HELZ: variants seen among roughly 807,000 people sequenced by gnomAD.
HELZ encodes helicase with zinc finger.
HELZ carries 23 observed loss-of-function variants against 218.2 expected under a neutral mutation model. That is an observed-to-expected ratio of 0.11 (90% CI 0.08 to 0.15). The LOEUF is 0.15. Among genes scored for constraint, HELZ ranks in the 10% least tolerant of loss-of-function variants. The pLI is 1.00. For missense variants in HELZ, 1,813 were observed against 2,353.7 expected (o/e 0.77, Z 4.75); for synonymous variants, 814 against 829.4 (o/e 0.98, Z 0.32).
Position 67,150,650 on chromosome 17 carries a change from G to A in HELZ, c.2356+396C>T, listed in dbSNP as rs145996935. ...TTTATAACAAAAATCTGAGAAAAGT[G>A]TAAAAGAAAAGGAAAACACCAACAC... On this transcript the variant is annotated intron_variant, in intron 18 of 32. Transcript: ENST00000358691. Among the ~76,000 whole-genome samples, 264 of 152,210 alleles carry A rather than the reference G, an allele frequency of 1.7e-3. 1 individual carries two copies. The highest frequency in any genetic ancestry group is 6.1e-3 in the African/African-American group (252 of 41,524).
intron 3 of HELZ, among the ~76,000 whole-genome samples, chr17:67,235,944 A>G (rs575304619): frequency 6.6e-6 from 1 of 151,534 alleles, no homozygotes; most frequent in Admixed American, 6.6e-5. Flanking sequence ...GTATTTTTAG[A>G]AGAGACGGGG....
intron 31 of HELZ, among the ~76,000 whole-genome samples, chr17:67,103,432 G>A (rs1437978144): frequency 6.6e-6 from 1 of 152,146 alleles, no homozygotes; most frequent in African/African-American, 2.4e-5. Context: ...ATATCATCAT[G>A]TGGTTAAACA....
At chr17:67,123,312 A>G in intron 25 of HELZ, 152 bp from the exon 26 acceptor site, 1 of 463,908 alleles carries the variant, frequency 2.2e-6, no homozygotes, top group East Asian at 3.3e-5. Flanking sequence ...AGTAAAGCAT[A>G]TTACAAAAAA....
chr17:67,221,842 G>GT (rs375220068), intron 3 of HELZ, among the ~76,000 whole-genome samples: 2,114 of 131,284 alleles, frequency 0.016, 34 homozygotes, highest in African/African-American at 0.041. Context: ...TGTTTTTTGT[G>GT]TTTTTTTTTT....
At chr17:67,080,266 T>C (rs980450076) in intron 32 of HELZ, among the ~76,000 whole-genome samples, 2 of 152,202 alleles carry the variant, frequency 1.3e-5, no homozygotes, top group African/African-American at 4.8e-5. Context: ...CTAAATTCTT[T>C]TGTGCATTGA....
At chr17:67,080,624 A>G (rs1279116013) in intron 32 of HELZ, among the ~76,000 whole-genome samples, 1 of 152,228 alleles carries the variant, frequency 6.6e-6, no homozygotes, top group East Asian at 1.9e-4. Flanking sequence ...CTGCTGTGCT[A>G]GACCCATGAA....
rs1403898035 is a variant in HELZ, at chr17:67,201,135, T to C, written c.423A>G (p.Glu141=). 2 of 1,603,800 alleles carry C rather than the reference T, an allele frequency of 1.2e-6. No individual in the cohort carries two copies. Among genetic ancestry groups the C allele is most frequent in the Non-Finnish European group, 1.7e-6 (2 of 1,170,548 alleles). Residue 141 remains glutamate, a synonymous_variant, in exon 7 of 33, where the codon GAA becomes GAG. Coordinates refer to ENST00000358691, the MANE Select transcript of HELZ (RefSeq NM_014877.4). ...TCCACTGAAATGGCCTTACCTCTGT[T>C]TCTGAGAGAAGTGTTTTTAGTCTTG... is the stretch of plus-strand genomic sequence containing the variant. ...DLTRLKTLLS[E]TETATSNALS... is the part of the protein sequence containing the mutation.
rs577352861 is a variant in HELZ at position 67,077,526 on chromosome 17, C to A, written c.*726G>T. ...CACACTATCAAATTAACATTAAAAA[C>A]AAGCTTGAAGTGTAGCTTGTCCAAA... On this transcript the variant is annotated 3_prime_UTR_variant, in exon 33 of 33. Transcript: ENST00000358691. 6.6e-6 allele frequency: 1 copy of A among 151,342 alleles called. No individual in the cohort carries two copies. The highest frequency in any genetic ancestry group is 1.5e-5 in the Non-Finnish European group (1 of 67,722). 9.4% of individuals were successfully genotyped at this position (151,342 alleles called of 1,614,324 possible).
At chr17:67,152,149 G>A (rs1404579335) in intron 17 of HELZ, among the ~76,000 whole-genome samples, 3 of 152,210 alleles carry the variant, frequency 2.0e-5, no homozygotes, top group Admixed American at 1.3e-4. Context: ...CGGCTCCAGG[G>A]CTAGGAAGGG....
At chr17:67,180,239 G>A (rs760150050) in intron 12 of HELZ, among the ~76,000 whole-genome samples, 1 of 152,014 alleles carries the variant, frequency 6.6e-6, no homozygotes, top group Non-Finnish European at 1.5e-5. Flanking sequence ...ACCCCATCAC[G>A]TTGGGAGGTC....
intron 12 of HELZ, among the ~76,000 whole-genome samples, chr17:67,182,395 A>G (rs2039639460): frequency 6.6e-6 from 1 of 152,180 alleles, no homozygotes; most frequent in South Asian, 2.1e-4. Flanking sequence ...CAGTGAGCCA[A>G]CACTGCACCA....
chr17:67,135,597 T>C (rs952767042), intron 23 of HELZ, among the ~76,000 whole-genome samples: 20 of 152,350 alleles, frequency 1.3e-4, no homozygotes, highest in African/African-American at 4.1e-4. Context: ...AAATACTATA[T>C]AATATTCCTA....
chr17:67,214,591 A>G (rs965156859), intron 5 of HELZ, among the ~76,000 whole-genome samples: 27 of 152,006 alleles, frequency 1.8e-4, no homozygotes, highest in African/African-American at 6.5e-4. Flanking sequence ...TGTTAACACA[A>G]AGGAGTAAGC....
intron 23 of HELZ, among the ~76,000 whole-genome samples, chr17:67,131,025 G>A (rs1266191266): frequency 1.3e-5 from 2 of 152,098 alleles, no homozygotes; most frequent in African/African-American, 4.8e-5. Context: ...AGCTGGGACT[G>A]TAGTTGTGTG....
rs1368029618 is a variant in HELZ, at chr17:67,128,840, C to A, written c.3198G>T (p.Arg1066=). The A allele has an allele frequency of 6.2e-7, 1 of 1,613,820 alleles. No individual in the cohort carries two copies. ...TGTTTTCATGACACAGGGCAATAAA[C>A]CGTTCCCAAAATTTCCTACAGAAAA... The part of the protein sequence containing the change: ...SIGRCRKFWE[R]FIALCHENSS... Residue 1066 remains arginine, a synonymous_variant, in exon 24 of 33, where the codon CGG becomes CGT. Transcript: ENST00000358691.
chr17:67,235,749 CTTTT>C (rs1216322685), intron 3 of HELZ, among the ~76,000 whole-genome samples: 5 of 78,670 alleles, frequency 6.4e-5, no homozygotes, highest in Non-Finnish European at 9.1e-5. Flanking sequence ...ACCACACACT[CTTTT>C]TTTTTTTTTT....
chr17:67,107,543 A>C lies in HELZ; in HGVS notation c.4867T>G (p.Ser1623Ala). The change falls in exon 31 of 33, where the codon TCC becomes GCC. Residue 1623 changes from serine (S) to alanine (A), a missense_variant. Transcript: ENST00000358691. Reference protein sequence around the residue: ...RSPPAVPSPPSSTDHSSHFSN... With the variant: ...RSPPAVPSPPASTDHSSHFSN... Reference sequence around the variant, plus strand: ...AAGTGGCTACTGTGGTCTGTACTGGATGGGGGAGATGGGACTGCTGGTGGG... The same window carrying C: ...AAGTGGCTACTGTGGTCTGTACTGGCTGGGGGAGATGGGACTGCTGGTGGG... The C allele has an allele frequency of 6.2e-7, 1 of 1,614,110 alleles. No homozygotes were observed. Among genetic ancestry groups the C allele is most frequent in the East Asian group, 2.2e-5 (1 of 44,862 alleles).
intron 3 of HELZ, among the ~76,000 whole-genome samples, chr17:67,222,296 T>C (rs143502615): frequency 1.6e-4 from 24 of 152,258 alleles, no homozygotes; most frequent in African/African-American, 5.5e-4. Context: ...AGAATAGCCA[T>C]TGGAGAAAAA....
intron 5 of HELZ, among the ~76,000 whole-genome samples, chr17:67,208,779 A>G (rs1408262879): frequency 1.3e-5 from 2 of 150,938 alleles, no homozygotes; most frequent in Non-Finnish European, 2.9e-5. Context: ...ACAAAAAAAC[A>G]GAAAAAAATT....
Sources: gnomAD v4.1 joint callset for allele counts (sites outside exome capture counted in the v4.1 genomes callset) on GRCh38, gnomAD v4.1.1 for gene constraint, MANE v1.5 for transcripts, NCBI Gene and HGNC (gene_info 2026-07-23, HGNC 2026-07-21) for gene names.